Variants in MGAT5 observed in about 807,000 individuals in gnomAD.
MGAT5 encodes the protein alpha-1,6-mannosylglycoprotein 6-beta-N-acetylglucosaminyltransferase A.
Under a neutral mutation model 94.3 loss-of-function variants are expected in MGAT5, and 30 were observed. That is an observed-to-expected ratio of 0.32 (90% confidence interval 0.24 to 0.43). The LOEUF (loss-of-function observed/expected upper bound fraction) is 0.43, where lower values mean the gene tolerates loss of function less well. Among genes scored for constraint, MGAT5 ranks in the 20% least tolerant of loss-of-function variants. MGAT5 has a pLI of 1.00. For synonymous variants in MGAT5, 310 were observed against 322.9 expected, an observed-to-expected ratio of 0.96 and a Z score of 0.43; for missense variants, 691 against 905.5, an observed-to-expected ratio of 0.76 and a Z score of 3.04.
upstream of MGAT5, among the ~76,000 whole-genome samples, chr2:134,253,916 A>G (rs1682771682): frequency 6.6e-6 from 1 of 152,180 alleles, no homozygotes; most frequent in South Asian, 2.1e-4. Context: ...CCTGATGGTG[A>G]TATGACTCCA....
chr2:134,240,570 T>A (rs993686085), intron 1 of MGAT5, among the ~76,000 whole-genome samples: 1 of 152,184 alleles, frequency 6.6e-6, no homozygotes, highest in South Asian at 2.1e-4. Context: ...ATAAAAAAAA[T>A]TTATGTTCTT....
At chr2:134,236,026 G>C (rs879118048) in intron 1 of MGAT5, among the ~76,000 whole-genome samples, 1 of 152,114 alleles carries the variant, frequency 6.6e-6, no homozygotes, top group Admixed American at 6.6e-5. Context: ...GGAAAATACA[G>C]ACCTGTTTTT....
intron 1 of MGAT5, among the ~76,000 whole-genome samples, chr2:134,131,403 G>C (rs1686157570): frequency 6.6e-6 from 1 of 152,028 alleles, no homozygotes; most frequent in Non-Finnish European, 1.5e-5. Context: ...GGTACAAAAG[G>C]CTGAATTCCC....
At chr2:134,127,963 C>A (rs1004484256) in intron 1 of MGAT5, among the ~76,000 whole-genome samples, 1 of 150,092 alleles carries the variant, frequency 6.7e-6, no homozygotes, top group African/African-American at 2.4e-5. Flanking sequence ...TTTTTTTTTT[C>A]CTCTTAGCAC....
intron 1 of MGAT5, among the ~76,000 whole-genome samples, chr2:134,206,386 C>T (rs1680023246): frequency 6.6e-6 from 1 of 152,232 alleles, no homozygotes; most frequent in South Asian, 2.1e-4. Context: ...TAGCTCTGTC[C>T]TCATGCCCAG....
intron 8 of MGAT5, among the ~76,000 whole-genome samples, chr2:134,346,801 G>A (rs551576533): frequency 1.1e-4 from 16 of 152,146 alleles, no homozygotes; most frequent in East Asian, 3.9e-4. Flanking sequence ...AAGCTCATAC[G>A]CATTTTACTT....
chr2:134,125,206 G>T (rs901979594), intron 1 of MGAT5, among the ~76,000 whole-genome samples: 1 of 152,134 alleles, frequency 6.6e-6, no homozygotes, highest in Non-Finnish European at 1.5e-5. Flanking sequence ...TGTACTACAG[G>T]TATTTCACTC....
chr2:134,163,692 T>C (rs1687839424), intron 1 of MGAT5, among the ~76,000 whole-genome samples: 1 of 152,202 alleles, frequency 6.6e-6, no homozygotes. Flanking sequence ...GCATTTGTTA[T>C]TAGAAAATTC....
rs370001995 is a variant in MGAT5 at position 134,422,838 on chromosome 2, C to T, written c.1713C>T (p.Ile571=). 1.9e-5 allele frequency: 31 copies of T among 1,613,866 alleles called. No individual in the cohort carries two copies. In the African/African-American group the frequency reaches 2.4e-4, roughly 12 times the overall value. Residue 571 remains isoleucine (I), a synonymous_variant, in exon 13 of 16, where the codon ATC becomes ATT. Coordinates refer to ENST00000281923, the MANE Select transcript of MGAT5 (RefSeq NM_002410.5). Reference sequence around the variant, plus strand: ...AGCATCCTTACGCTGAAGTTTTCATCGGGCGGCCACATGTGTGGACTGTTG... The same window carrying T: ...AGCATCCTTACGCTGAAGTTTTCATTGGGCGGCCACATGTGTGGACTGTTG... ...TSQHPYAEVF[I]GRPHVWTVDL... is the part of the protein sequence containing the mutation.
At chr2:134,201,759 C>T (rs1217629629) in intron 1 of MGAT5, among the ~76,000 whole-genome samples, 2 of 148,816 alleles carry the variant, frequency 1.3e-5, no homozygotes, top group Non-Finnish European at 3.0e-5. Flanking sequence ...CAGGCGCCAG[C>T]ATCTTTATCA....
At chr2:134,133,185 A>T (rs1190831325) in intron 1 of MGAT5, among the ~76,000 whole-genome samples, 2 of 152,310 alleles carry the variant, frequency 1.3e-5, no homozygotes, top group East Asian at 3.9e-4. Flanking sequence ...CACATTTCTG[A>T]ATTAGGGTGG....
intron 15 of MGAT5, among the ~76,000 whole-genome samples, chr2:134,444,084 C>A (rs1558892328): frequency 6.6e-6 from 1 of 152,192 alleles, no homozygotes; most frequent in Non-Finnish European, 1.5e-5. Flanking sequence ...GGCCACTCCC[C>A]TCAGTTCTGC....
At chr2:134,290,104 C>A (rs1181873559) in intron 2 of MGAT5, among the ~76,000 whole-genome samples, 1 of 152,162 alleles carries the variant, frequency 6.6e-6, no homozygotes, top group Non-Finnish European at 1.5e-5. Flanking sequence ...CCAGGTCATG[C>A]AGATTCAAGG....
intron 1 of MGAT5, among the ~76,000 whole-genome samples, chr2:134,224,146 C>T (rs1558996295): frequency 6.6e-6 from 1 of 152,092 alleles, no homozygotes; most frequent in Non-Finnish European, 1.5e-5. Context: ...ATTTATTGTT[C>T]CCAAGGTTGT....
chr2:134,256,288 A>C (rs1358534248), intron 1 of MGAT5, among the ~76,000 whole-genome samples: 1 of 152,230 alleles, frequency 6.6e-6, no homozygotes. Context: ...ACAGAAAATA[A>C]AGCTGATTGT....
At position 134,338,349 on chromosome 2, in the gene MGAT5, G is replaced by A; in HGVS notation, c.736G>A (p.Ala246Thr). Residue 246 changes from alanine to threonine, a missense_variant, in exon 6 of 16, where the codon GCT (alanine) becomes ACT (threonine). Coordinates refer to ENST00000281923, the MANE Select transcript of MGAT5 (RefSeq NM_002410.5). ...GATGAGACTACGGATCCGGCGAATG[G>A]CTGACGCATGGATCCAAGCAATCAA... The part of the protein sequence containing the change: ...RWMRLRIRRM[A>T]DAWIQAIKSL... 1 of 1,613,084 alleles carries A rather than the reference G, an allele frequency of 6.2e-7. No individual in the cohort carries two copies. The highest frequency in any genetic ancestry group is 2.2e-5 in the East Asian group (1 of 44,790).
At chr2:134,263,963 C>T (rs1683498361) in intron 1 of MGAT5, among the ~76,000 whole-genome samples, 1 of 145,602 alleles carries the variant, frequency 6.9e-6, no homozygotes, top group South Asian at 2.2e-4. Flanking sequence ...TATATATGTA[C>T]ATGAATATAT....
intron 2 of MGAT5, among the ~76,000 whole-genome samples, chr2:134,303,036 C>T (rs1573746451): frequency 1.3e-5 from 2 of 152,090 alleles, no homozygotes; most frequent in South Asian, 2.1e-4. Context: ...TCTTTTCTAC[C>T]TCTGGGCATC....
intron 1 of MGAT5, among the ~76,000 whole-genome samples, chr2:134,234,169 T>G (rs1285881049): frequency 6.6e-6 from 1 of 151,954 alleles, no homozygotes; most frequent in East Asian, 1.9e-4. Flanking sequence ...GTTATTGATG[T>G]GATGAAGTAG....
Sources: allele counts gnomAD v4.1 joint callset (sites outside exome capture counted in the v4.1 genomes callset), GRCh38; gene constraint gnomAD v4.1.1; transcripts MANE v1.5; gene names NCBI Gene and HGNC (gene_info 2026-07-23, HGNC 2026-07-21).